The following ANKS1B variants were observed in gnomAD, a reference collection of about 807,000 sequenced individuals.
ANKS1B encodes ankyrin repeat and sterile alpha motif domain containing 1B.
A neutral mutation model predicts 148.3 loss-of-function variants in ANKS1B; 36 were observed. That is an observed-to-expected ratio of 0.24 (90% CI 0.19 to 0.32). ANKS1B has a LOEUF of 0.32. ANKS1B is among the 10% of genes least tolerant of loss of function. ANKS1B has a pLI of 1.00. For missense variants in ANKS1B, 1,157 were observed against 1,542.6 expected, an observed-to-expected ratio of 0.75 and a Z score of 4.19; for synonymous variants, 542 against 560.8, an observed-to-expected ratio of 0.97 and a Z score of 0.47.
intron 12 of ANKS1B, among the ~76,000 whole-genome samples, chr12:99,280,943 ACACT>A (rs1290231317): frequency 3.3e-5 from 5 of 151,258 alleles, no homozygotes; most frequent in Admixed American, 3.3e-4. Context: ...ACACACACAC[ACACT>A]CTCTCTCTCT....
At chr12:99,977,849 A>T (rs1340643718) in intron 1 of ANKS1B, among the ~76,000 whole-genome samples, 1 of 152,220 alleles carries the variant, frequency 6.6e-6, no homozygotes, top group Non-Finnish European at 1.5e-5. Flanking sequence ...CCATATCAAC[A>T]TATGATGAGT....
chr12:99,293,169 C>T lies in ANKS1B; in HGVS notation c.1757-46305G>A, dbSNP rs577275989. On this transcript the variant is annotated intron_variant, in intron 12 of 26. Coordinates refer to ENST00000683438, the MANE Select transcript of ANKS1B (RefSeq NM_001352186.2). ...ATATACACCATGGAATACTATGCAG[C>T]CATAAAAAAGGGTGAGTTCATGTCC... 1.7e-4 allele frequency among the ~76,000 whole-genome samples: 26 copies of T among 152,178 alleles called. No homozygotes were observed. In the East Asian group the frequency reaches 5.0e-3, roughly 29 times the overall value.
intron 8 of ANKS1B, among the ~76,000 whole-genome samples, chr12:99,695,317 T>C (rs1306279928): frequency 6.6e-6 from 1 of 152,200 alleles, no homozygotes; most frequent in East Asian, 1.9e-4. Flanking sequence ...TCTTCTAATT[T>C]AATATTTACT....
At chr12:99,499,502 C>A (rs1001589602) in intron 10 of ANKS1B, among the ~76,000 whole-genome samples, 1 of 152,156 alleles carries the variant, frequency 6.6e-6, no homozygotes, top group Non-Finnish European at 1.5e-5. Context: ...AGTTAACACT[C>A]CTTCATCAAG....
In ANKS1B at chr12:99,248,018, G is replaced by T. The variant is rs2074086160; in HGVS notation, c.1757-1154C>A. Among the ~76,000 whole-genome samples, 6 of 152,134 alleles carry T rather than the reference G, an allele frequency of 3.9e-5. No individual in the cohort carries two copies. In the South Asian group the frequency reaches 1.2e-3, roughly 32 times the overall value. On this transcript the variant is annotated intron_variant, in intron 12 of 26. Transcript: ENST00000683438. ...TATAAATTAACAAGTAACATTTAAT[G>T]GGTAAGTGTTATTTACTAGGCACTG...
At chr12:99,703,833 A>G (rs2055279685) in intron 8 of ANKS1B, among the ~76,000 whole-genome samples, 1 of 152,162 alleles carries the variant, frequency 6.6e-6, no homozygotes, top group South Asian at 2.1e-4. Flanking sequence ...CAGTATCCCC[A>G]TAAACGTTTG....
intron 17 of ANKS1B, chr12:98,976,600 G>A (rs973857045): frequency 6.6e-6 from 1 of 152,284 alleles, no homozygotes; most frequent in East Asian, 1.9e-4. Context: ...CAGGTGCTGG[G>A]AGAGGAGAGG....
chr12:98,747,304 T>C (rs1318952403), intron 26 of ANKS1B, among the ~76,000 whole-genome samples: 1 of 152,132 alleles, frequency 6.6e-6, no homozygotes, highest in Non-Finnish European at 1.5e-5. Flanking sequence ...GAACAGGCAT[T>C]TCTAAAAAGA....
At chr12:98,879,413 T>G (rs2099700579) in intron 17 of ANKS1B, among the ~76,000 whole-genome samples, 1 of 152,218 alleles carries the variant, frequency 6.6e-6, no homozygotes. Context: ...AGTCATAGAG[T>G]GAGGATGTAA....
intron 14 of ANKS1B, among the ~76,000 whole-genome samples, chr12:99,188,869 G>T (rs2080252450): frequency 6.6e-6 from 1 of 152,176 alleles, no homozygotes; most frequent in Admixed American, 6.5e-5. Context: ...AGGAGACAGA[G>T]ACACGAAATA....
At chr12:99,096,508 A>C (rs889286252) in intron 15 of ANKS1B, among the ~76,000 whole-genome samples, 1 of 152,166 alleles carries the variant, frequency 6.6e-6, no homozygotes, top group Non-Finnish European at 1.5e-5. Flanking sequence ...GACAGGCAGG[A>C]GGCTAACCCC....
At chr12:99,007,378 T>G (rs1171039691) in intron 17 of ANKS1B, among the ~76,000 whole-genome samples, 1 of 152,232 alleles carries the variant, frequency 6.6e-6, no homozygotes, top group East Asian at 1.9e-4. Flanking sequence ...TTTATGAAGA[T>G]AGCAGAAGCT....
intron 17 of ANKS1B, among the ~76,000 whole-genome samples, chr12:99,046,819 A>G (rs1006169581): frequency 4.0e-5 from 5 of 124,804 alleles, no homozygotes; most frequent in South Asian, 3.4e-4. Flanking sequence ...AAAAAAAAGA[A>G]AAAAAAAAGA....
intron 1 of ANKS1B, among the ~76,000 whole-genome samples, chr12:99,964,180 A>G (rs2095455794): frequency 6.6e-6 from 1 of 152,192 alleles, no homozygotes; most frequent in South Asian, 2.1e-4. Context: ...AATTATCATC[A>G]TCTCTCCTCC....
intron 12 of ANKS1B, among the ~76,000 whole-genome samples, chr12:99,314,938 C>T (rs1423215441): frequency 6.6e-6 from 1 of 152,158 alleles, no homozygotes; most frequent in Non-Finnish European, 1.5e-5. Flanking sequence ...TAAAGAGCTT[C>T]TGCACAGCAA....
In ANKS1B at chr12:98,813,801, C is replaced by T. The variant is rs187908456; in HGVS notation, c.3067-5883G>A. 4.1e-3 allele frequency among the ~76,000 whole-genome samples: 626 copies of T among 152,124 alleles called. 1 individual carries two copies. The highest frequency in any genetic ancestry group is 6.6e-3 in the Non-Finnish European group (449 of 67,974). Reference sequence around the variant, plus strand: ...AACTCCTGGCCTCAAGTGATCCAACCACCTTGGCCTCCCAAAGTGCTGGGA... The same window carrying T: ...AACTCCTGGCCTCAAGTGATCCAACTACCTTGGCCTCCCAAAGTGCTGGGA... On this transcript the variant is annotated intron_variant, in intron 19 of 26. Transcript: ENST00000683438.
intron 9 of ANKS1B, among the ~76,000 whole-genome samples, chr12:99,560,507 C>G (rs982097358): frequency 6.6e-6 from 1 of 151,992 alleles, no homozygotes; most frequent in African/African-American, 2.4e-5. Context: ...TGCAGGCATA[C>G]CTTGGAGATT....
At chr12:98,960,240 G>T (rs550547543) in intron 17 of ANKS1B, among the ~76,000 whole-genome samples, 14 of 152,316 alleles carry the variant, frequency 9.2e-5, no homozygotes, top group African/African-American at 3.1e-4. Flanking sequence ...GGCCACAAGG[G>T]TGCTTGTGTG....
intron 8 of ANKS1B, among the ~76,000 whole-genome samples, chr12:99,718,552 C>A (rs2057709623): frequency 6.6e-6 from 1 of 152,224 alleles, no homozygotes; most frequent in African/African-American, 2.4e-5. Context: ...ACAGCATGGG[C>A]TTTTAAAGCC....
Sources: gnomAD v4.1 joint callset for allele counts (sites outside exome capture counted in the v4.1 genomes callset) on GRCh38, gnomAD v4.1.1 for gene constraint, MANE v1.5 for transcripts, NCBI Gene and HGNC (gene_info 2026-07-23, HGNC 2026-07-21) for gene names.